PCBP3: variants seen among roughly 807,000 people sequenced by gnomAD.
PCBP3 encodes the protein poly(rC) binding protein 3.
In PCBP3, 25 loss-of-function variants were observed where a neutral mutation model predicts 52.7. That is an observed-to-expected ratio of 0.47 (90% CI 0.35 to 0.66). PCBP3 has a LOEUF of 0.66. Ranked by LOEUF, PCBP3 falls within the 30% of genes least tolerant of loss-of-function variation. PCBP3 has a pLI of 0.01. For synonymous variants in PCBP3, 162 were observed against 183.0 expected, an observed-to-expected ratio of 0.89 and a Z score of 0.93; for missense variants, 391 against 490.3, an observed-to-expected ratio of 0.80 and a Z score of 1.91.
At chr21:45,781,884 G>A (rs1370388240) in intron 4 of PCBP3, among the ~76,000 whole-genome samples, 1 of 152,098 alleles carries the variant, frequency 6.6e-6, no homozygotes, top group Non-Finnish European at 1.5e-5. Context: ...GCCTTCTGAC[G>A]CTACAGAATT....
At chr21:45,795,114 A>G (rs1055374383) in intron 4 of PCBP3, among the ~76,000 whole-genome samples, 2 of 152,214 alleles carry the variant, frequency 1.3e-5, no homozygotes, top group Admixed American at 1.3e-4. Flanking sequence ...ACTTTTATGT[A>G]CATAATTACA....
At chr21:45,841,186 A>G (rs568773229) in intron 4 of PCBP3, among the ~76,000 whole-genome samples, 1 of 152,350 alleles carries the variant, frequency 6.6e-6, no homozygotes, top group South Asian at 2.1e-4. Context: ...TATTCTCGTC[A>G]TTAACGCAGG....
intron 4 of PCBP3, among the ~76,000 whole-genome samples, chr21:45,785,511 G>T (rs1214262896): frequency 3.4e-5 from 5 of 147,560 alleles, no homozygotes; most frequent in African/African-American, 9.9e-5. Flanking sequence ...CCGGGAGGGG[G>T]GGGGGTCAGC....
chr21:45,877,768 C>T (rs1448066002), intron 5 of PCBP3, among the ~76,000 whole-genome samples: 1 of 152,122 alleles, frequency 6.6e-6, no homozygotes, highest in Non-Finnish European at 1.5e-5. Flanking sequence ...GTACTCCAAC[C>T]TGGGCAACAG....
Position 45,791,922 on chromosome 21 carries a change from C to T in PCBP3, c.-126+36470C>T, listed in dbSNP as rs2091611504. Among the ~76,000 whole-genome samples the T allele has an allele frequency of 6.6e-6, 1 of 152,260 alleles. No individual in the cohort carries two copies. The highest frequency in any genetic ancestry group is 2.4e-5 in the African/African-American group (1 of 41,470). On this transcript the variant is annotated intron_variant, in intron 4 of 17. Coordinates refer to ENST00000681687, the MANE Select transcript of PCBP3 (RefSeq NM_001384156.1). The surrounding 1 kb of genome is among the most constrained non-coding windows in gnomAD (Gnocchi z 4.2). ...CCTGAGCTGCACTCAGGAGCTGGGC[C>T]TCATGCCCAGTCCCCATCCTTAGGG...
chr21:45,900,512 G>C, intron 7 of PCBP3, 79 bp from the exon 8 acceptor site: 1 of 1,135,300 alleles, frequency 8.8e-7, no homozygotes, highest in Non-Finnish European at 1.3e-6. Context: ...GGGCCAGGCT[G>C]CTCCCCACCC....
intron 9 of PCBP3, among the ~76,000 whole-genome samples, chr21:45,907,333 C>A (rs2096236196): frequency 6.6e-6 from 1 of 152,212 alleles, no homozygotes; most frequent in Non-Finnish European, 1.5e-5. Flanking sequence ...CCCATCCCTA[C>A]TTCTGCGTTC....
chr21:45,707,510 C>T (rs546297407), intron 2 of PCBP3, among the ~76,000 whole-genome samples: 34 of 152,026 alleles, frequency 2.2e-4, no homozygotes, highest in Middle Eastern at 6.8e-3. Flanking sequence ...AGTGAGACTC[C>T]GTCTCAAAAA....
intron 15 of PCBP3, among the ~76,000 whole-genome samples, chr21:45,931,917 G>A (rs1488908132): frequency 2.1e-5 from 3 of 143,682 alleles, no homozygotes; most frequent in East Asian, 2.1e-4. Context: ...ACAAACACCC[G>A]GGCCATGCTG....
chr21:45,919,671 A>G (rs1173141163), intron 13 of PCBP3, among the ~76,000 whole-genome samples: 4 of 152,206 alleles, frequency 2.6e-5, no homozygotes, highest in Admixed American at 6.5e-5. Flanking sequence ...CTGTAGCTAC[A>G]TCAAGGACAT....
chr21:45,840,828 T>C (rs1364997111), intron 4 of PCBP3, among the ~76,000 whole-genome samples: 2 of 152,210 alleles, frequency 1.3e-5, no homozygotes, highest in Non-Finnish European at 2.9e-5. Flanking sequence ...TTCCCTAGGC[T>C]GGTCTCAAAC....
At chr21:45,823,571 G>A (rs2093212965) in intron 4 of PCBP3, among the ~76,000 whole-genome samples, 1 of 152,062 alleles carries the variant, frequency 6.6e-6, no homozygotes, top group Admixed American at 6.5e-5. Flanking sequence ...GCTTGGCATG[G>A]GCTGCGATCT....
intron 5 of PCBP3, among the ~76,000 whole-genome samples, chr21:45,892,246 C>A (rs1030387601): frequency 6.6e-6 from 1 of 152,146 alleles, no homozygotes; most frequent in Non-Finnish European, 1.5e-5. Context: ...TCAGAGGGTG[C>A]GGCAGTCACC....
At chr21:45,934,266 G>T (rs1336057706) in intron 15 of PCBP3, among the ~76,000 whole-genome samples, 1 of 152,148 alleles carries the variant, frequency 6.6e-6, no homozygotes, top group African/African-American at 2.4e-5. Context: ...GAAGAGCAGA[G>T]TGTCAGCGTT....
At chr21:45,872,576 T>A (rs1406701023) in intron 5 of PCBP3, 1 of 152,220 alleles carries the variant, frequency 6.6e-6, no homozygotes, top group African/African-American at 2.4e-5. Flanking sequence ...CTGTGGACAG[T>A]ACTAAGTGCC....
chr21:45,786,300 TTC>T (rs2091155090), intron 4 of PCBP3, among the ~76,000 whole-genome samples: 1 of 151,874 alleles, frequency 6.6e-6, no homozygotes, highest in Non-Finnish European at 1.5e-5. Context: ...TTTTTTTTTT[TTC>T]TTTTTGAGAT....
At chr21:45,708,213 G>C (rs767455091) in intron 2 of PCBP3, among the ~76,000 whole-genome samples, 1 of 152,174 alleles carries the variant, frequency 6.6e-6, no homozygotes, top group Non-Finnish European at 1.5e-5. Context: ...TACTATGGGG[G>C]AGGGATAGGT....
intron 5 of PCBP3, among the ~76,000 whole-genome samples, chr21:45,855,594 T>A (rs993768306): frequency 1.3e-5 from 2 of 152,228 alleles, no homozygotes; most frequent in Admixed American, 6.5e-5. Context: ...ACATCTGAGA[T>A]ATAAATGCTC....
chr21:45,875,204 G>A (rs1042277564), intron 5 of PCBP3, among the ~76,000 whole-genome samples: 1 of 149,372 alleles, frequency 6.7e-6, no homozygotes, highest in Admixed American at 6.7e-5. Flanking sequence ...CCTTCCACGC[G>A]GCGCGCTCCA....
Sources: allele counts gnomAD v4.1 joint callset (sites outside exome capture counted in the v4.1 genomes callset), GRCh38; gene constraint gnomAD v4.1.1; non-coding constraint Gnocchi (gnomAD v3.1); transcripts MANE v1.5; gene names NCBI Gene and HGNC (gene_info 2026-07-23, HGNC 2026-07-21).